Variants in CTBP2 observed in about 807,000 individuals in gnomAD.
CTBP2 encodes C-terminal binding protein 2.
Under a neutral mutation model 80.3 loss-of-function variants are expected in CTBP2, and 30 were observed. The observed-to-expected ratio is 0.37, with a 90% confidence interval of 0.28 to 0.51. The LOEUF (loss-of-function observed/expected upper bound fraction) is 0.51, where lower values mean the gene tolerates loss of function less well. Among genes scored for constraint, CTBP2 ranks in the 20% least tolerant of loss-of-function variants. The pLI is 0.93. For synonymous variants in CTBP2, 594 were observed against 587.4 expected (o/e 1.01, Z -0.16); for missense variants, 1,212 against 1,375.3 (o/e 0.88, Z 1.88).
rs77754752 is a variant in CTBP2, at chr10:125,147,190, C to T, written c.-206+13129G>A. 5.1e-4 allele frequency among the ~76,000 whole-genome samples: 78 copies of T among 152,262 alleles called. 1 individual carries two copies. In the East Asian group the frequency reaches 0.014, roughly 26 times the overall value. On this transcript the variant is annotated intron_variant, in intron 1 of 10. Coordinates refer to the CTBP2 transcript ENST00000337195. ...CCTTTTCCTCAACAAATATGCTCCT[C>T]GGAATGTGGCCTGTCATGCCCACGT...
chr10:125,071,821 GACCCTGC>G (rs1192787278), intron 2 of CTBP2, among the ~76,000 whole-genome samples: 1 of 152,086 alleles, frequency 6.6e-6, no homozygotes, highest in African/African-American at 2.4e-5. Flanking sequence ...TCCCAAAGCA[GACCCTGC>G]ACCTTTGCAA....
intron 2 of CTBP2, among the ~76,000 whole-genome samples, chr10:125,069,716 G>A (rs908713395): frequency 6.6e-6 from 1 of 152,164 alleles, no homozygotes; most frequent in African/African-American, 2.4e-5. Flanking sequence ...GGTCATTTCT[G>A]TTTGTTGTGC....
chr10:125,028,706 C>G (rs1312450861), upstream of CTBP2, among the ~76,000 whole-genome samples: 8 of 152,202 alleles, frequency 5.3e-5, no homozygotes, highest in Non-Finnish European at 1.0e-4. Context: ...GTCACAGGAA[C>G]AGGAGGATGG....
intron 3 of CTBP2, among the ~76,000 whole-genome samples, chr10:125,033,970 T>C (rs1178742395): frequency 6.6e-6 from 1 of 151,974 alleles, no homozygotes; most frequent in Non-Finnish European, 1.5e-5. Flanking sequence ...TAGAAGACGG[T>C]GATGAACCCC....
At chr10:125,015,578 G>A (rs1247759205) in intron 1 of CTBP2, among the ~76,000 whole-genome samples, 1 of 152,200 alleles carries the variant, frequency 6.6e-6, no homozygotes, top group East Asian at 1.9e-4. Flanking sequence ...AGCCCATGCA[G>A]CCCAAACCCT....
chr10:125,123,217 A>G (rs1854630088), intron 1 of CTBP2, among the ~76,000 whole-genome samples: 1 of 143,206 alleles, frequency 7.0e-6, no homozygotes, highest in African/African-American at 2.6e-5. Flanking sequence ...TGACTATAAA[A>G]GGGCAACGGG....
intron 2 of CTBP2, among the ~76,000 whole-genome samples, chr10:125,072,956 C>T (rs761140219): frequency 6.6e-6 from 1 of 152,216 alleles, no homozygotes; most frequent in Non-Finnish European, 1.5e-5. Flanking sequence ...TCATTTAAGT[C>T]ATTACTAACG....
chr10:125,069,887 T>TCCC (rs374304058), intron 2 of CTBP2, among the ~76,000 whole-genome samples: 2 of 64,598 alleles, frequency 3.1e-5, no homozygotes, highest in African/African-American at 9.8e-5. Flanking sequence ...CCTGCCCCCC[T>TCCC]CCCCCCCCCA....
intron 1 of CTBP2, among the ~76,000 whole-genome samples, chr10:125,126,103 C>G (rs1014989762): frequency 6.6e-6 from 1 of 152,192 alleles, no homozygotes; most frequent in Admixed American, 6.5e-5. Context: ...ACCACTAGAC[C>G]GCAGTGCAGC....
intron 1 of CTBP2, among the ~76,000 whole-genome samples, chr10:125,020,115 T>C (rs1043367391): frequency 2.0e-5 from 3 of 152,214 alleles, no homozygotes; most frequent in Non-Finnish European, 4.4e-5. Flanking sequence ...TGGAATCTGC[T>C]CAGGTACTTA....
chr10:125,048,768 AGGGGCCG>A (rs1331153747), intron 2 of CTBP2, among the ~76,000 whole-genome samples: 1 of 152,178 alleles, frequency 6.6e-6, no homozygotes, highest in Admixed American at 6.5e-5. Flanking sequence ...GGTGCTGGGG[AGGGGCCG>A]GCTGGGCTGC....
At chr10:125,015,776 G>A (rs12776353) in intron 1 of CTBP2, among the ~76,000 whole-genome samples, 14,029 of 152,304 alleles carry the variant, frequency 0.092, 776 homozygotes, top group South Asian at 0.24. Flanking sequence ...AGAAAAATAA[G>A]GGAAAATAGA....
intron 2 of CTBP2, among the ~76,000 whole-genome samples, chr10:125,048,583 TGGAGGTACA>T (rs1445594843): frequency 1.3e-5 from 2 of 152,192 alleles, no homozygotes; most frequent in East Asian, 3.9e-4. Flanking sequence ...GCGGAGTGAC[TGGAGGTACA>T]GGCCAAGAAG....
At chr10:125,056,500 G>A (rs533588090) in intron 2 of CTBP2, among the ~76,000 whole-genome samples, 7 of 152,292 alleles carry the variant, frequency 4.6e-5, no homozygotes, top group Middle Eastern at 3.4e-3. Flanking sequence ...TGTGCCATTG[G>A]CTCTAAGGAG....
intron 4 of CTBP2, among the ~76,000 whole-genome samples, chr10:124,995,672 G>A (rs1441563022): frequency 6.6e-6 from 1 of 152,184 alleles, no homozygotes; most frequent in East Asian, 1.9e-4. Context: ...GGTTGAATAA[G>A]GCCAGTCTGA....
intron 3 of CTBP2, chr10:124,999,673 GCCGA>G (rs1954163675): frequency 6.6e-6 from 1 of 152,262 alleles, no homozygotes; most frequent in Non-Finnish European, 1.5e-5. Flanking sequence ...GGTGACTGAG[GCCGA>G]CCAACTTTCC....
At chr10:125,144,227 G>A (rs1396338388) in intron 1 of CTBP2, among the ~76,000 whole-genome samples, 1 of 152,154 alleles carries the variant, frequency 6.6e-6, no homozygotes, top group Non-Finnish European at 1.5e-5. Flanking sequence ...CTTCCCTTCT[G>A]GCCTTCGAAT....
chr10:125,036,664 A>AGGG (rs150632552), intron 3 of CTBP2, among the ~76,000 whole-genome samples: 2 of 133,914 alleles, frequency 1.5e-5, no homozygotes, highest in African/African-American at 5.7e-5. Flanking sequence ...TCAAAGCTAG[A>AGGG]GGGGGTGTGT....
At chr10:124,998,359 GC>G in intron 3 of CTBP2, 189 bp from the exon 6 acceptor site, 1 of 634,116 alleles carries the variant, frequency 1.6e-6, no homozygotes, top group Non-Finnish European at 2.7e-6. Flanking sequence ...GGAAGCTCTA[GC>G]CCCAACATCT....
Sources: allele counts gnomAD v4.1 joint callset (sites outside exome capture counted in the v4.1 genomes callset), GRCh38; gene constraint gnomAD v4.1.1; transcripts MANE v1.5; gene names NCBI Gene and HGNC (gene_info 2026-07-23, HGNC 2026-07-21).